MAP2K5: variants seen among roughly 807,000 people sequenced by gnomAD.
MAP2K5 encodes the protein dual specificity mitogen-activated protein kinase kinase 5.
In MAP2K5, 49 loss-of-function variants were observed where a neutral mutation model predicts 83.1. The observed-to-expected ratio is 0.59, with a 90% CI of 0.47 to 0.75. MAP2K5 has a LOEUF of 0.75. Ranked by LOEUF, MAP2K5 falls within the 30% of genes least tolerant of loss-of-function variation. The pLI is 0.00. For missense variants in MAP2K5, 457 were observed against 557.5 expected (o/e 0.82, Z 1.82); for synonymous variants, 202 against 191.8 (o/e 1.05, Z -0.44).
In MAP2K5 at chr15:67,757,448, TG is replaced by T. The variant is rs1374195516; in HGVS notation, c.1134+8850del. Among the ~76,000 whole-genome samples, 1 of 152,110 alleles carries T rather than the reference TG, an allele frequency of 6.6e-6. No individual in the cohort carries two copies. The highest frequency in any genetic ancestry group is 2.4e-5 in the African/African-American group (1 of 41,412). ...AAGCTATTTTGGTTTGGTCAGAGTA[TG>T]GGAGATTCAGATCTCCACCCCCTTT... On this transcript the variant is annotated intron_variant, in intron 19 of 21. Transcript: ENST00000178640. The surrounding 1 kb of genome is among the most constrained non-coding windows in gnomAD (Gnocchi z 4.9).
chr15:67,678,737 G>C (rs562123675), intron 13 of MAP2K5, among the ~76,000 whole-genome samples: 35 of 152,216 alleles, frequency 2.3e-4, no homozygotes, highest in Non-Finnish European at 4.0e-4. Flanking sequence ...AAGCCGAGGC[G>C]GTAGGATCAT....
At chr15:67,556,480 T>C (rs889918319) in intron 2 of MAP2K5, among the ~76,000 whole-genome samples, 3 of 152,144 alleles carry the variant, frequency 2.0e-5, no homozygotes, top group Admixed American at 6.5e-5. Flanking sequence ...TGTGTCGTAT[T>C]GTGGGTTTTT....
rs532904399 is a variant in MAP2K5, at chr15:67,585,910, C to T, written c.343C>T (p.Arg115Trp). The T allele has an allele frequency of 6.2e-6, 10 of 1,613,770 alleles. No homozygotes were observed. Among genetic ancestry groups the T allele is most frequent in the Middle Eastern group, 3.3e-4 (2 of 6,062 alleles). The change falls in exon 5 of 22, where the codon CGG becomes TGG. Residue 115 changes from arginine (R) to tryptophan (W), a missense_variant. Physicochemically the swap from Arg to Trp is moderately radical, Grantham distance 101. This residue lies in a region of MAP2K5 where 234 missense variants were observed against 243.6 expected (regional missense o/e 0.96). Coordinates refer to ENST00000178640, the MANE Select transcript of MAP2K5 (RefSeq NM_145160.3). ...FPRACKPPGE[R>W]NIHGLKVNTR... ...TTCAGCCTGCAAGCCTCCTGGGGAA[C>T]GGAACATACATGGCCTGAAGGTACG...
At chr15:67,560,901 G>A (rs912196301) in intron 2 of MAP2K5, among the ~76,000 whole-genome samples, 8 of 151,900 alleles carry the variant, frequency 5.3e-5, no homozygotes, top group Admixed American at 4.6e-4. Flanking sequence ...TTATGTAATC[G>A]GTGCCCCCCC....
At chr15:67,626,476 G>A (rs925457141) in intron 8 of MAP2K5, among the ~76,000 whole-genome samples, 3 of 152,124 alleles carry the variant, frequency 2.0e-5, no homozygotes, top group South Asian at 2.1e-4. Context: ...GCAGTGAGCC[G>A]AGATTGTGCC....
chr15:67,620,946 C>T (rs1048405434), intron 8 of MAP2K5, among the ~76,000 whole-genome samples: 25 of 151,854 alleles, frequency 1.6e-4, no homozygotes, highest in Non-Finnish European at 7.4e-5. Context: ...AGAAATAAAT[C>T]CAAATATATC....
chr15:67,762,900 C>T (rs529278922), intron 19 of MAP2K5, among the ~76,000 whole-genome samples: 3 of 152,292 alleles, frequency 2.0e-5, no homozygotes, highest in African/African-American at 7.2e-5. Flanking sequence ...GTTCCAGGCC[C>T]ATCTGAGACA....
rs1393823683 is a variant in MAP2K5, at chr15:67,690,964, C to T, written c.848-1515C>T. Among the ~76,000 whole-genome samples the T allele has an allele frequency of 2.6e-5, 4 of 152,112 alleles. No homozygotes were observed. Among genetic ancestry groups the T allele is most frequent in the Non-Finnish European group, 5.9e-5 (4 of 68,016 alleles). Reference sequence around the variant, plus strand: ...CTGTGAACTTATTTATTTCTTGGGGCGATGATACCGATAAAAAGAGCTTAC... The same window carrying T: ...CTGTGAACTTATTTATTTCTTGGGGTGATGATACCGATAAAAAGAGCTTAC... On this transcript the variant is annotated intron_variant, in intron 13 of 21. Coordinates refer to ENST00000178640, the MANE Select transcript of MAP2K5 (RefSeq NM_145160.3). The surrounding 1 kb of genome is among the most constrained non-coding windows in gnomAD (Gnocchi z 4.3).
chr15:67,684,863 T>C (rs1226521341), intron 13 of MAP2K5, among the ~76,000 whole-genome samples: 1 of 152,194 alleles, frequency 6.6e-6, no homozygotes, highest in African/African-American at 2.4e-5. Context: ...AATTGTGATA[T>C]TGAGGTTAAA....
At chr15:67,653,536 TCCA>T (rs994538436) in intron 11 of MAP2K5, among the ~76,000 whole-genome samples, 1 of 152,140 alleles carries the variant, frequency 6.6e-6, no homozygotes, top group Non-Finnish European at 1.5e-5. Context: ...CCTCAGGTGA[TCCA>T]CCCACCTTGG....
chr15:67,740,367 C>G (rs865843456), intron 17 of MAP2K5, among the ~76,000 whole-genome samples: 2 of 152,188 alleles, frequency 1.3e-5, no homozygotes, highest in Non-Finnish European at 2.9e-5. Flanking sequence ...CCTTTCTTTT[C>G]TTCCATGTCC....
intron 8 of MAP2K5, among the ~76,000 whole-genome samples, chr15:67,630,557 G>C (rs1716579160): frequency 6.6e-6 from 1 of 152,200 alleles, no homozygotes; most frequent in African/African-American, 2.4e-5. Flanking sequence ...GGAGCCAAAA[G>C]ACCTAGGTTT....
rs2089678848 is a variant in MAP2K5 at position 67,749,702 on chromosome 15, G to A, written c.1134+1101G>A. The stretch of plus-strand genomic sequence containing the variant: ...TAATCCATGTTGATGTAAAAATGAA[G>A]GCATCGTCCTGAAACAAATGGAGGC... On this transcript the variant is annotated intron_variant, in intron 19 of 21. Transcript: ENST00000178640. The surrounding 1 kb of genome is among the most constrained non-coding windows in gnomAD (Gnocchi z 4.6). Among the ~76,000 whole-genome samples the A allele has an allele frequency of 6.6e-6, 1 of 152,088 alleles. No homozygotes were observed. The highest frequency in any genetic ancestry group is 1.5e-5 in the Non-Finnish European group (1 of 68,018).
At chr15:67,615,284 C>T (rs1340795220) in intron 8 of MAP2K5, among the ~76,000 whole-genome samples, 1 of 152,192 alleles carries the variant, frequency 6.6e-6, no homozygotes, top group African/African-American at 2.4e-5. Context: ...AGGTGTGAGC[C>T]ACTGTGCCCG....
chr15:67,640,926 A>G lies in MAP2K5; in HGVS notation c.586-5305A>G, dbSNP rs2086696786. The stretch of plus-strand genomic sequence containing the variant: ...ACATTTTGAAAATGATGCTAATCAC[A>G]TTTTAAAGATAACTATTTCATAATG... On this transcript the variant is annotated intron_variant, in intron 9 of 21. Transcript: ENST00000178640. This position sits in a 1 kb window ranked among gnomAD's most constrained non-coding sequence, Gnocchi z 4.6. Among the ~76,000 whole-genome samples, 1 of 152,226 alleles carries G rather than the reference A, an allele frequency of 6.6e-6. No homozygotes were observed. The highest frequency in any genetic ancestry group is 2.1e-4 in the South Asian group (1 of 4,834).
intron 13 of MAP2K5, among the ~76,000 whole-genome samples, chr15:67,689,303 CT>C (rs990844066): frequency 7.2e-5 from 11 of 152,162 alleles, no homozygotes; most frequent in Non-Finnish European, 1.2e-4. Flanking sequence ...AAATCATATG[CT>C]TTGTCCCAAA....
chr15:67,754,074 T>C (rs910438651), intron 19 of MAP2K5, among the ~76,000 whole-genome samples: 2 of 152,196 alleles, frequency 1.3e-5, no homozygotes, highest in Non-Finnish European at 2.9e-5. Flanking sequence ...TTCTATGAAA[T>C]GTCCACAATA....
Position 67,706,450 on chromosome 15 carries a change from G to A in MAP2K5, c.1044+3042G>A, listed in dbSNP as rs569497757. Among the ~76,000 whole-genome samples the A allele has an allele frequency of 2.1e-4, 32 of 152,238 alleles. No individual in the cohort carries two copies. The South Asian group carries it at 6.4e-3, about 31-fold the overall frequency. ...TGCTGTAAGGACTGTGTTGGCTCGTGTGGTAGAGAGCAGATAACCAGATGG... is the reference window on the plus strand; with the variant it reads ...TGCTGTAAGGACTGTGTTGGCTCGTATGGTAGAGAGCAGATAACCAGATGG... On this transcript the variant is annotated intron_variant, in intron 16 of 21. Coordinates refer to ENST00000178640, the MANE Select transcript of MAP2K5 (RefSeq NM_145160.3).
At chr15:67,623,974 T>TC (rs2086249268) in intron 8 of MAP2K5, among the ~76,000 whole-genome samples, 1 of 151,900 alleles carries the variant, frequency 6.6e-6, no homozygotes, top group Admixed American at 6.6e-5. Context: ...AGAGACTGCT[T>TC]TCCCTATTCC....
Sources: gnomAD v4.1 joint callset for allele counts (sites outside exome capture counted in the v4.1 genomes callset) on GRCh38, gnomAD v4.1.1 for gene constraint, gnomAD v4.1.1 regional missense constraint, Gnocchi (gnomAD v3.1) non-coding constraint, MANE v1.5 for transcripts, NCBI Gene and HGNC (gene_info 2026-07-23, HGNC 2026-07-21) for gene names.